The following STK32B variants were observed in gnomAD, a reference collection of about 807,000 sequenced individuals.
STK32B encodes serine/threonine-protein kinase 32B.
In STK32B, 43 loss-of-function variants were observed where a neutral mutation model predicts 52.6. That is an observed-to-expected ratio of 0.82 (90% CI 0.64 to 1.05). The LOEUF (loss-of-function observed/expected upper bound fraction) is 1.05. Among genes scored for constraint, STK32B ranks in the 50% least tolerant of loss-of-function variants. The pLI is 0.00. For missense variants in STK32B, 621 were observed against 534.6 expected (o/e 1.16, Z -1.59); for synonymous variants, 238 against 204.3 (o/e 1.17, Z -1.41).
chr4:5,361,845 G>A (rs536310814), intron 4 of STK32B, among the ~76,000 whole-genome samples: 6 of 152,268 alleles, frequency 3.9e-5, no homozygotes, highest in African/African-American at 1.4e-4. Flanking sequence ...GATTTAGGTC[G>A]GGGTAGATCA....
At chr4:5,481,534 T>A (rs1718711032) in intron 11 of STK32B, among the ~76,000 whole-genome samples, 1 of 152,212 alleles carries the variant, frequency 6.6e-6, no homozygotes, top group African/African-American at 2.4e-5. Flanking sequence ...TTCTCTAGGT[T>A]GCCTGTTCAC....
chr4:5,116,239 G>C (rs1714709964), intron 1 of STK32B, among the ~76,000 whole-genome samples: 1 of 152,032 alleles, frequency 6.6e-6, no homozygotes, highest in Non-Finnish European at 1.5e-5. Context: ...TGCAAGCAAG[G>C]CCAGCTTTAT....
chr4:5,215,414 C>T (rs1293325018), intron 3 of STK32B, among the ~76,000 whole-genome samples: 1 of 152,256 alleles, frequency 6.6e-6, no homozygotes, highest in East Asian at 1.9e-4. Context: ...CCAAATGAAC[C>T]TATTCAGTCA....
chr4:5,441,286 T>C (rs1410959012), intron 6 of STK32B, among the ~76,000 whole-genome samples: 2 of 151,900 alleles, frequency 1.3e-5, no homozygotes, highest in Non-Finnish European at 2.9e-5. Context: ...CTTCAGCTCC[T>C]GTTATTGGTC....
intron 3 of STK32B, among the ~76,000 whole-genome samples, chr4:5,313,549 A>G (rs1294325614): frequency 6.6e-6 from 1 of 152,154 alleles, no homozygotes; most frequent in Admixed American, 6.5e-5. Flanking sequence ...TAGATTAGAA[A>G]AGAGAAAATA....
At chr4:5,326,034 T>G (rs1440117916) in intron 3 of STK32B, among the ~76,000 whole-genome samples, 2 of 152,176 alleles carry the variant, frequency 1.3e-5, no homozygotes, top group Non-Finnish European at 2.9e-5. Flanking sequence ...TTGCTTAAAA[T>G]ATTGTTCTCT....
rs3774850 is a variant in STK32B at position 5,409,660 on chromosome 4, G to A, written c.473-7185G>A. 1.4e-4 allele frequency among the ~76,000 whole-genome samples: 21 copies of A among 152,210 alleles called. 1 individual carries two copies. The East Asian group carries it at 4.1e-3, about 29-fold the overall frequency. On this transcript the variant is annotated intron_variant, in intron 5 of 11. Transcript: ENST00000282908. ...GGCTTTATGGAATCACAGGGCATGG[G>A]GGCACCAGAATTAGCTGGGGATGGA...
At chr4:5,209,071 C>T (rs1451380949) in intron 3 of STK32B, among the ~76,000 whole-genome samples, 1 of 152,234 alleles carries the variant, frequency 6.6e-6, no homozygotes, top group Non-Finnish European at 1.5e-5. Flanking sequence ...TCTGGAGCTT[C>T]CATCCCAGCT....
intron 7 of STK32B, among the ~76,000 whole-genome samples, chr4:5,450,366 C>G (rs1715872966): frequency 6.6e-6 from 1 of 152,162 alleles, no homozygotes; most frequent in Admixed American, 6.5e-5. Context: ...ATGGACAGAT[C>G]TTTAGCCACC....
At chr4:5,329,658 G>C (rs985271017) in intron 3 of STK32B, among the ~76,000 whole-genome samples, 2 of 152,182 alleles carry the variant, frequency 1.3e-5, no homozygotes, top group Non-Finnish European at 2.9e-5. Flanking sequence ...CAGTTTCTTT[G>C]TCCCAGTGTC....
At chr4:5,428,482 T>A (rs1255757209) in intron 6 of STK32B, among the ~76,000 whole-genome samples, 1 of 152,236 alleles carries the variant, frequency 6.6e-6, no homozygotes, top group Non-Finnish European at 1.5e-5. Context: ...CTTTCATTGA[T>A]GTTCAGTTTA....
At chr4:5,496,015 CG>C (rs1306087837) in intron 11 of STK32B, among the ~76,000 whole-genome samples, 3 of 152,186 alleles carry the variant, frequency 2.0e-5, no homozygotes, top group Non-Finnish European at 4.4e-5. Context: ...TTAGGCTGCT[CG>C]GGGGCAGGGG....
intron 3 of STK32B, among the ~76,000 whole-genome samples, chr4:5,282,132 G>C (rs1198935700): frequency 5.3e-5 from 8 of 152,122 alleles, no homozygotes; most frequent in African/African-American, 1.9e-4. Context: ...CTCTTAGTTA[G>C]TATAAAGTAG....
At chr4:5,243,688 C>G (rs1230603420) in intron 3 of STK32B, among the ~76,000 whole-genome samples, 14 of 152,136 alleles carry the variant, frequency 9.2e-5, no homozygotes, top group Non-Finnish European at 1.5e-5. Context: ...CAGTTTTTGT[C>G]CATTCAGTAT....
chr4:5,337,882 G>A (rs977177764), intron 4 of STK32B, among the ~76,000 whole-genome samples: 1 of 152,140 alleles, frequency 6.6e-6, no homozygotes, highest in African/African-American at 2.4e-5. Context: ...ATACTCTATT[G>A]AGAAACTGGG....
intron 3 of STK32B, among the ~76,000 whole-genome samples, chr4:5,179,838 C>T (rs1354444762): frequency 6.6e-6 from 1 of 152,178 alleles, no homozygotes; most frequent in Non-Finnish European, 1.5e-5. Context: ...TTTTGCTTTC[C>T]CCTGTGTTAG....
At chr4:5,461,462 C>T (rs1717018362) in intron 9 of STK32B, among the ~76,000 whole-genome samples, 1 of 152,194 alleles carries the variant, frequency 6.6e-6, no homozygotes, top group African/African-American at 2.4e-5. Flanking sequence ...TCCAAGAGTG[C>T]CAGGCTTCCA....
the STK32B span, among the ~76,000 whole-genome samples, chr4:5,035,600 G>A: frequency 6.6e-6 from 1 of 152,180 alleles, no homozygotes; most frequent in African/African-American, 2.4e-5. Context: ...CAGGGATTAG[G>A]ATGGAGTCGC....
intron 3 of STK32B, among the ~76,000 whole-genome samples, chr4:5,183,995 A>C (rs78408785): frequency 2.0e-5 from 3 of 152,174 alleles, no homozygotes; most frequent in Non-Finnish European, 2.9e-5. Flanking sequence ...TCTCCGTATC[A>C]GCAGTTAGGC....
Sources: allele counts gnomAD v4.1 joint callset (sites outside exome capture counted in the v4.1 genomes callset), GRCh38; gene constraint gnomAD v4.1.1; transcripts MANE v1.5; gene names NCBI Gene and HGNC (gene_info 2026-07-23, HGNC 2026-07-21).